The following CTNNA3 variants were observed in gnomAD, a reference collection of about 807,000 sequenced individuals.
The protein encoded by CTNNA3 is catenin alpha-3.
A neutral mutation model predicts 95.7 loss-of-function variants in CTNNA3; 76 were observed. The observed-to-expected ratio is 0.79, with a 90% CI of 0.66 to 0.96. The LOEUF (loss-of-function observed/expected upper bound fraction) is 0.96. Ranked by LOEUF, CTNNA3 falls within the 40% of genes least tolerant of loss-of-function variation. The pLI, the probability that CTNNA3 is intolerant of heterozygous loss-of-function variation, is 0.00. For synonymous variants in CTNNA3, 431 were observed against 374.4 expected, an observed-to-expected ratio of 1.15 and a Z score of -1.74; for missense variants, 1,191 against 1,089.8, an observed-to-expected ratio of 1.09 and a Z score of -1.31.
intron 6 of CTNNA3, among the ~76,000 whole-genome samples, chr10:67,205,804 A>G (rs1863870288): frequency 6.6e-6 from 1 of 152,212 alleles, no homozygotes; most frequent in Non-Finnish European, 1.5e-5. Flanking sequence ...TTCCTAGGGA[A>G]AAAAGGGAGA....
intron 10 of CTNNA3, among the ~76,000 whole-genome samples, chr10:66,587,853 C>T (rs1169629425): frequency 6.6e-6 from 1 of 152,182 alleles, no homozygotes; most frequent in Admixed American, 6.5e-5. Context: ...TCAGGCCGCA[C>T]CCCTTCTGGT....
At chr10:67,289,984 T>C (rs149092371) in intron 5 of CTNNA3, among the ~76,000 whole-genome samples, 3 of 151,730 alleles carry the variant, frequency 2.0e-5, no homozygotes, top group Non-Finnish European at 4.4e-5. Flanking sequence ...AAAAAAAACA[T>C]TTGTAGAGAC....
intron 7 of CTNNA3, among the ~76,000 whole-genome samples, chr10:67,075,263 T>TA (rs943470561): frequency 1.1e-4 from 17 of 151,218 alleles, no homozygotes; most frequent in African/African-American, 2.9e-4. Context: ...AATCTTAAAT[T>TA]AAAAAAAAAT....
intron 7 of CTNNA3, among the ~76,000 whole-genome samples, chr10:67,073,394 T>G (rs1000076433): frequency 6.6e-6 from 1 of 152,142 alleles, no homozygotes; most frequent in South Asian, 2.1e-4. Flanking sequence ...TAAGATTATC[T>G]CCCTTAAATA....
chr10:66,707,844 C>T (rs761068513), intron 9 of CTNNA3, among the ~76,000 whole-genome samples: 14 of 152,030 alleles, frequency 9.2e-5, no homozygotes, highest in South Asian at 2.1e-4. Context: ...GTCTTCATAT[C>T]GTATCTCCTT....
intron 1 of CTNNA3, among the ~76,000 whole-genome samples, chr10:67,732,034 C>G (rs1841277836): frequency 6.6e-6 from 1 of 150,758 alleles, no homozygotes; most frequent in African/African-American, 2.4e-5. Context: ...CCCACCTCGG[C>G]CTCCCAAAGT....
rs746503264 is a variant in CTNNA3 at position 66,520,608 on chromosome 10, A to C, written c.1531+9T>G. The C allele has an allele frequency of 1.3e-6, 2 of 1,592,908 alleles. No individual in the cohort carries two copies. The highest frequency in any genetic ancestry group is 4.6e-5 in the East Asian group (2 of 43,524). On this transcript the variant is annotated intron_variant, in intron 11 of 17. Transcript: ENST00000433211. ...AGAAAATAAACAAATTAAAAGAATA[A>C]AAACATACCAGATACAGCAAGGAAG...
At chr10:67,048,103 T>A (rs1282492782) in intron 7 of CTNNA3, among the ~76,000 whole-genome samples, 1 of 152,228 alleles carries the variant, frequency 6.6e-6, no homozygotes, top group South Asian at 2.1e-4. Flanking sequence ...TAATTTATTT[T>A]GTAAAAAGAA....
intron 7 of CTNNA3, among the ~76,000 whole-genome samples, chr10:67,070,035 T>C (rs1856351724): frequency 6.6e-6 from 1 of 152,216 alleles, no homozygotes; most frequent in African/African-American, 2.4e-5. Flanking sequence ...AGAACTTCCA[T>C]TGCTCTACAT....
chr10:67,214,044 G>A lies in CTNNA3; in HGVS notation c.843+5563C>T, dbSNP rs148820125. Among the ~76,000 whole-genome samples the A allele has an allele frequency of 1.2e-3, 175 of 151,864 alleles. 3 individuals carry two copies. The highest frequency in any genetic ancestry group is 1.8e-3 in the Non-Finnish European group (122 of 67,710). On this transcript the variant is annotated intron_variant, in intron 6 of 17. Transcript: ENST00000433211. ...AGTGTTAGATGTGTTTTTATAAACA[G>A]CATATAGCTAGATTTCGTTTTATAT...
At chr10:67,761,069 C>T (rs1277559671) in intron 1 of CTNNA3, among the ~76,000 whole-genome samples, 1 of 152,204 alleles carries the variant, frequency 6.6e-6, no homozygotes, top group Non-Finnish European at 1.5e-5. Context: ...TAGCCTGTTG[C>T]TCCTAGACTA....
At chr10:66,755,541 A>G (rs1280806252) in intron 9 of CTNNA3, among the ~76,000 whole-genome samples, 4 of 152,204 alleles carry the variant, frequency 2.6e-5, no homozygotes, top group Non-Finnish European at 1.5e-5. Flanking sequence ...ATACATATTA[A>G]AAATGGAAAA....
At chr10:66,969,641 C>G (rs1849615110) in intron 7 of CTNNA3, among the ~76,000 whole-genome samples, 1 of 152,050 alleles carries the variant, frequency 6.6e-6, no homozygotes, top group African/African-American at 2.4e-5. Context: ...AATTTTTATT[C>G]CATGATACTT....
chr10:65,997,885 C>T (rs2078695805), intron 15 of CTNNA3, among the ~76,000 whole-genome samples: 1 of 152,080 alleles, frequency 6.6e-6, no homozygotes, highest in Non-Finnish European at 1.5e-5. Flanking sequence ...GCATGTGGTA[C>T]ATGCTGGTAA....
chr10:67,224,810 A>T (rs575282637), intron 5 of CTNNA3, among the ~76,000 whole-genome samples: 3 of 152,158 alleles, frequency 2.0e-5, no homozygotes, highest in Non-Finnish European at 4.4e-5. Context: ...AGGGGGAAGC[A>T]CCACAGGGAG....
At chr10:67,651,644 G>A (rs1045010339) in intron 1 of CTNNA3, among the ~76,000 whole-genome samples, 17 of 152,132 alleles carry the variant, frequency 1.1e-4, no homozygotes, top group African/African-American at 3.9e-4. Context: ...ATTAAACACT[G>A]TTGTGTGAAA....
At chr10:66,346,493 G>T (rs1208626152) in intron 12 of CTNNA3, among the ~76,000 whole-genome samples, 1 of 151,888 alleles carries the variant, frequency 6.6e-6, no homozygotes, top group Non-Finnish European at 1.5e-5. Flanking sequence ...TGGCCTGGAT[G>T]GTCTTGATCT....
At chr10:66,268,672 A>G (rs1255512176) in intron 13 of CTNNA3, among the ~76,000 whole-genome samples, 1 of 152,172 alleles carries the variant, frequency 6.6e-6, no homozygotes, top group East Asian at 1.9e-4. Flanking sequence ...TTATGTGTTC[A>G]TCAGTCCTAT....
At chr10:66,961,515 A>G (rs1849107117) in intron 7 of CTNNA3, among the ~76,000 whole-genome samples, 1 of 151,688 alleles carries the variant, frequency 6.6e-6, no homozygotes, top group African/African-American at 2.4e-5. Flanking sequence ...TCTCTTTTCC[A>G]TTTCATCTTA....
Sources: gnomAD v4.1 joint callset for allele counts (sites outside exome capture counted in the v4.1 genomes callset) on GRCh38, gnomAD v4.1.1 for gene constraint, MANE v1.5 for transcripts, NCBI Gene and HGNC (gene_info 2026-07-23, HGNC 2026-07-21) for gene names.